ANKRD6: variants seen among roughly 807,000 people sequenced by gnomAD.
ANKRD6 encodes the protein ankyrin repeat domain 6, also known as ankyrin repeat domain-containing protein 6.
ANKRD6 carries 56 observed loss-of-function variants against 82.3 expected under a neutral mutation model. The ratio of observed to expected loss-of-function variants is 0.68; its 90% CI spans 0.55 to 0.85. The LOEUF (loss-of-function observed/expected upper bound fraction) is 0.85. Ranked by LOEUF, ANKRD6 falls within the 40% of genes least tolerant of loss-of-function variation. The pLI, the probability that ANKRD6 is intolerant of heterozygous loss-of-function variation, is 0.00. For missense variants in ANKRD6, 852 were observed against 907.6 expected, an observed-to-expected ratio of 0.94 and a Z score of 0.79; for synonymous variants, 347 against 352.1, an observed-to-expected ratio of 0.99 and a Z score of 0.16.
In ANKRD6 at chr6:89,477,145, C is replaced by T. The variant is rs566017870; in HGVS notation, c.-144+43770C>T. On this transcript the variant is annotated intron_variant, in intron 1 of 15. Transcript: ENST00000339746. ...ATTTTTAGTAGAGACGGGGTTTCAC[C>T]GTATTAGCCAGGATGGTCTCGATCT... Among the ~76,000 whole-genome samples, 9 of 152,156 alleles carry T rather than the reference C, an allele frequency of 5.9e-5. No individual in the cohort carries two copies. In the South Asian group the frequency reaches 8.3e-4, roughly 14 times the overall value.
At chr6:89,535,392 C>T (rs1249473597) in intron 1 of ANKRD6, among the ~76,000 whole-genome samples, 1 of 152,198 alleles carries the variant, frequency 6.6e-6, no homozygotes, top group Non-Finnish European at 1.5e-5. Context: ...GTTTCCTCAG[C>T]CATTGCATTT....
chr6:89,473,910 G>A (rs921667447), intron 1 of ANKRD6, among the ~76,000 whole-genome samples: 4 of 152,126 alleles, frequency 2.6e-5, no homozygotes, highest in Admixed American at 2.0e-4. Flanking sequence ...AACCCAGGAA[G>A]CAGAGGTGAG....
At chr6:89,518,228 C>T (rs1370184350) in intron 1 of ANKRD6, among the ~76,000 whole-genome samples, 1 of 151,858 alleles carries the variant, frequency 6.6e-6, no homozygotes, top group Non-Finnish European at 1.5e-5. Flanking sequence ...CATGGAGAAA[C>T]CCCGCCTCTA....
intron 1 of ANKRD6, chr6:89,509,048 G>A (rs1183952295): frequency 2.0e-5 from 3 of 152,256 alleles, no homozygotes; most frequent in Non-Finnish European, 2.9e-5. Flanking sequence ...AACTAACCAG[G>A]GCTCTGGGTG....
At chr6:89,588,603 A>G (rs1449902116) in intron 2 of ANKRD6, among the ~76,000 whole-genome samples, 1 of 152,110 alleles carries the variant, frequency 6.6e-6, no homozygotes, top group Non-Finnish European at 1.5e-5. Context: ...GTTTGAGCCA[A>G]TGAGTCTCAA....
chr6:89,616,375 G>A (rs891770106), intron 7 of ANKRD6, 184 bp from the exon 8 acceptor site: 10 of 590,176 alleles, frequency 1.7e-5, no homozygotes, highest in African/African-American at 3.7e-5. Context: ...TATTGGTGCC[G>A]AGGTCACTTA....
chr6:89,459,839 A>G (rs1582713462), intron 1 of ANKRD6, among the ~76,000 whole-genome samples: 1 of 152,240 alleles, frequency 6.6e-6, no homozygotes, highest in East Asian at 1.9e-4. Context: ...GACAGTTATA[A>G]GGAGACGTAT....
intron 2 of ANKRD6, among the ~76,000 whole-genome samples, chr6:89,590,617 G>A (rs1228635392): frequency 6.6e-6 from 1 of 152,134 alleles, no homozygotes; most frequent in Non-Finnish European, 1.5e-5. Flanking sequence ...CAAGAACTTG[G>A]GAGCTGAGCT....
intron 1 of ANKRD6, among the ~76,000 whole-genome samples, chr6:89,481,468 A>G (rs1436133315): frequency 6.6e-6 from 1 of 152,206 alleles, no homozygotes; most frequent in African/African-American, 2.4e-5. Flanking sequence ...AAAATTCAAA[A>G]TCGGAAACAC....
intron 3 of ANKRD6, among the ~76,000 whole-genome samples, chr6:89,599,808 C>G (rs1446109649): frequency 6.6e-6 from 1 of 152,124 alleles, no homozygotes; most frequent in Non-Finnish European, 1.5e-5. Flanking sequence ...AAGCGTATTG[C>G]CCAGTCCTCC....
intron 1 of ANKRD6, among the ~76,000 whole-genome samples, chr6:89,509,537 T>A (rs1371827351): frequency 1.3e-5 from 2 of 152,240 alleles, no homozygotes; most frequent in Non-Finnish European, 2.9e-5. Context: ...CAGTTTATTT[T>A]ATGCCTACTT....
intron 1 of ANKRD6, among the ~76,000 whole-genome samples, chr6:89,496,075 A>T (rs1778573797): frequency 6.6e-6 from 1 of 151,868 alleles, no homozygotes; most frequent in South Asian, 2.1e-4. Flanking sequence ...AGGACATCTT[A>T]CTAAGCCTGT....
chr6:89,525,149 C>G (rs781176831), intron 1 of ANKRD6, among the ~76,000 whole-genome samples: 5 of 152,028 alleles, frequency 3.3e-5, no homozygotes, highest in Non-Finnish European at 4.4e-5. Context: ...CAAAAATTAG[C>G]TGGGCCTGGT....
intron 1 of ANKRD6, among the ~76,000 whole-genome samples, chr6:89,541,610 T>C (rs1456402752): frequency 1.3e-5 from 2 of 151,902 alleles, no homozygotes; most frequent in African/African-American, 4.8e-5. Context: ...GCCAGGCTGG[T>C]CCTGAACTCC....
intron 1 of ANKRD6, among the ~76,000 whole-genome samples, chr6:89,502,992 C>G (rs1394507950): frequency 6.6e-6 from 1 of 152,188 alleles, no homozygotes; most frequent in Non-Finnish European, 1.5e-5. Context: ...CCTCTGCACC[C>G]TCCCTATAGT....
chr6:89,632,311 T>C lies in ANKRD6; in HGVS notation c.*1307T>C, dbSNP rs1316834588. The C allele has an allele frequency of 2.0e-5, 3 of 152,212 alleles. No homozygotes were observed. The highest frequency in any genetic ancestry group is 2.9e-5 in the Non-Finnish European group (2 of 68,034). The allele number at this position is 152,212 out of a possible 1,614,324, so 9.4% of individuals were successfully genotyped here. A position where few individuals can be genotyped will look rare whatever the true frequency, so the allele number is the denominator to read the frequency against. ...TTATTCCCTTTGTCAAGCTCAGTTT[T>C]AGGGTTTTTTCTTTTTTTTATAGTG... On this transcript the variant is annotated 3_prime_UTR_variant, in exon 16 of 16. Coordinates refer to ENST00000339746, the MANE Select transcript of ANKRD6 (RefSeq NM_001242809.2).
chr6:89,606,363 A>T (rs557544331), intron 5 of ANKRD6, among the ~76,000 whole-genome samples: 1 of 152,334 alleles, frequency 6.6e-6, no homozygotes, highest in East Asian at 1.9e-4. Flanking sequence ...GGGAATCTAC[A>T]TGCGATTACT....
chr6:89,472,400 T>C (rs528262701), intron 1 of ANKRD6, among the ~76,000 whole-genome samples: 13 of 152,356 alleles, frequency 8.5e-5, no homozygotes, highest in African/African-American at 2.9e-4. Context: ...CTTTGGGATA[T>C]GTAATATATA....
intron 1 of ANKRD6, among the ~76,000 whole-genome samples, chr6:89,514,267 A>T (rs1339984735): frequency 6.6e-6 from 1 of 152,152 alleles, no homozygotes; most frequent in Non-Finnish European, 1.5e-5. Context: ...AATCCGAGCT[A>T]CTTGGGAGGC....
Sources: allele counts gnomAD v4.1 joint callset (sites outside exome capture counted in the v4.1 genomes callset), GRCh38; gene constraint gnomAD v4.1.1; transcripts MANE v1.5; gene names NCBI Gene and HGNC (gene_info 2026-07-23, HGNC 2026-07-21).